The following CNTN4 variants were observed in gnomAD, a reference collection of about 807,000 sequenced individuals.
The protein encoded by CNTN4 is contactin-4.
CNTN4 carries 77 observed loss-of-function variants against 122.5 expected under a neutral mutation model. That is an observed-to-expected ratio of 0.63 (90% CI 0.52 to 0.76). The LOEUF is 0.76. Ranked by LOEUF, CNTN4 falls within the 30% of genes least tolerant of loss-of-function variation. The probability of loss-of-function intolerance (pLI) is 0.00; values close to 1 mark genes in which losing one functional copy is unlikely to be tolerated. For synonymous variants in CNTN4, 512 were observed against 447.0 expected, an observed-to-expected ratio of 1.15 and a Z score of -1.83; for missense variants, 1,256 against 1,259.1, an observed-to-expected ratio of 1.00 and a Z score of 0.04.
At chr3:2,621,080 T>C (rs1022556313) in intron 4 of CNTN4, among the ~76,000 whole-genome samples, 1 of 152,238 alleles carries the variant, frequency 6.6e-6, no homozygotes, top group Admixed American at 6.5e-5. Flanking sequence ...TAAGCTTGTC[T>C]GGAAAGTTGA....
At chr3:3,014,398 C>T (rs1697545366) in intron 14 of CNTN4, among the ~76,000 whole-genome samples, 1 of 152,094 alleles carries the variant, frequency 6.6e-6, no homozygotes, top group Non-Finnish European at 1.5e-5. Context: ...TTTCAGGCAC[C>T]CTTTAGTTGG....
chr3:2,664,133 T>C (rs2084034691), intron 4 of CNTN4, among the ~76,000 whole-genome samples: 4 of 152,160 alleles, frequency 2.6e-5, no homozygotes. Context: ...AACTATTGAA[T>C]TATAGACTTT....
chr3:2,345,960 T>G (rs890040126), intron 3 of CNTN4, among the ~76,000 whole-genome samples: 7 of 152,236 alleles, frequency 4.6e-5, no homozygotes, highest in Non-Finnish European at 1.0e-4. Context: ...TAATTTGTTT[T>G]CAACCTTTAT....
chr3:2,751,304 C>A (rs1011426942), intron 6 of CNTN4, among the ~76,000 whole-genome samples: 1 of 151,918 alleles, frequency 6.6e-6, no homozygotes, highest in East Asian at 1.9e-4. Flanking sequence ...AGAGACTCAG[C>A]GAGACTCCGT....
At chr3:2,742,042 G>C (rs913675145) in intron 5 of CNTN4, among the ~76,000 whole-genome samples, 15 of 152,146 alleles carry the variant, frequency 9.9e-5, no homozygotes, top group African/African-American at 2.9e-4. Flanking sequence ...CATTCCTCTT[G>C]TTGAAAGAAA....
At chr3:2,601,222 T>A (rs562045390) in intron 4 of CNTN4, among the ~76,000 whole-genome samples, 12 of 152,160 alleles carry the variant, frequency 7.9e-5, no homozygotes, top group East Asian at 3.9e-4. Flanking sequence ...CCCATTTGTC[T>A]ATTTTGGCTT....
chr3:2,848,790 A>G (rs1378363603), intron 7 of CNTN4, among the ~76,000 whole-genome samples: 2 of 152,236 alleles, frequency 1.3e-5, no homozygotes, highest in African/African-American at 4.8e-5. Flanking sequence ...AACTTGAGTC[A>G]TATGCCCACT....
chr3:2,916,873 G>T (rs555291364), intron 12 of CNTN4, among the ~76,000 whole-genome samples: 1 of 150,862 alleles, frequency 6.6e-6, no homozygotes, highest in Non-Finnish European at 1.5e-5. Flanking sequence ...GGCGCTAGAC[G>T]TCTAGGTGGC....
chr3:3,026,395 T>C (rs763348520), intron 15 of CNTN4, 118 bp downstream of exon 15: 4 of 857,630 alleles, frequency 4.7e-6, no homozygotes, highest in Non-Finnish European at 7.6e-6. Flanking sequence ...AAACTCTTGG[T>C]TAATTCCTGC....
At chr3:2,467,810 G>C (rs2075556592) in intron 3 of CNTN4, among the ~76,000 whole-genome samples, 2 of 152,084 alleles carry the variant, frequency 1.3e-5, no homozygotes. Flanking sequence ...GCAGTGTCCT[G>C]GTCCCTCCTG....
intron 2 of CNTN4, among the ~76,000 whole-genome samples, chr3:2,327,881 G>C (rs548349496): frequency 6.6e-6 from 1 of 152,122 alleles, no homozygotes; most frequent in Non-Finnish European, 1.5e-5. Flanking sequence ...CTTAGCATTT[G>C]AGGAAACAGC....
At chr3:3,028,787 G>A (rs7649063) in intron 15 of CNTN4, among the ~76,000 whole-genome samples, 81,399 of 151,970 alleles carry the variant, frequency 0.54, 22,071 homozygotes, top group Middle Eastern at 0.63. Context: ...ATCATTTATC[G>A]GGTACTTTCT....
At chr3:2,807,780 T>C (rs1576870832) in intron 6 of CNTN4, among the ~76,000 whole-genome samples, 1 of 152,272 alleles carries the variant, frequency 6.6e-6, no homozygotes, top group East Asian at 1.9e-4. Context: ...TGAAGAGTCT[T>C]CTATTAGCTT....
intron 3 of CNTN4, among the ~76,000 whole-genome samples, chr3:2,542,770 T>C (rs2078085262): frequency 6.6e-6 from 1 of 151,992 alleles, no homozygotes; most frequent in South Asian, 2.1e-4. Context: ...GAAGGCAAAA[T>C]GTTGTGTTAG....
chr3:2,585,219 A>G (rs7616268), intron 4 of CNTN4, among the ~76,000 whole-genome samples: 43,974 of 151,588 alleles, frequency 0.29, 6,859 homozygotes, highest in South Asian at 0.36. Context: ...GGAGAAATAG[A>G]AACACTTTTA....
intron 2 of CNTN4, among the ~76,000 whole-genome samples, chr3:2,286,420 C>G (rs1355299083): frequency 6.6e-6 from 1 of 150,472 alleles, no homozygotes; most frequent in Admixed American, 6.6e-5. Flanking sequence ...TACCACAACC[C>G]CAAGCAGAAA....
chr3:2,924,408 A>T (rs529182164), intron 12 of CNTN4, among the ~76,000 whole-genome samples: 59 of 152,244 alleles, frequency 3.9e-4, no homozygotes, highest in African/African-American at 1.3e-3. Context: ...GGTCTTAAAT[A>T]TTAAATTCCA....
At chr3:2,500,524 A>G (rs2076568204) in intron 3 of CNTN4, among the ~76,000 whole-genome samples, 1 of 151,970 alleles carries the variant, frequency 6.6e-6, no homozygotes, top group Non-Finnish European at 1.5e-5. Flanking sequence ...ATACAATCTA[A>G]TTGTTATTTC....
At chr3:2,949,951 T>G (rs2094721023) in intron 13 of CNTN4, among the ~76,000 whole-genome samples, 1 of 152,186 alleles carries the variant, frequency 6.6e-6, no homozygotes, top group African/African-American at 2.4e-5. Context: ...TTAAAAATAA[T>G]TATATCTTAT....
Sources: allele counts gnomAD v4.1 joint callset (sites outside exome capture counted in the v4.1 genomes callset), GRCh38; gene constraint gnomAD v4.1.1; transcripts MANE v1.5; gene names NCBI Gene and HGNC (gene_info 2026-07-23, HGNC 2026-07-21).